The following LGSN variants were observed in gnomAD, a reference collection of about 807,000 sequenced individuals.
LGSN encodes lengsin, lens protein with glutamine synthetase domain, also known as lengsin.
A neutral mutation model predicts 19.5 loss-of-function variants in LGSN; 21 were observed. The ratio of observed to expected loss-of-function variants is 1.07; its 90% CI spans 0.76 to 1.55. LGSN has a LOEUF of 1.55. Among genes scored for constraint, LGSN ranks in the 40% most tolerant of loss-of-function variants. The probability of loss-of-function intolerance (pLI) is 0.00; values close to 1 mark genes in which losing one functional copy is unlikely to be tolerated. For synonymous variants in LGSN, 257 were observed against 215.6 expected (o/e 1.19, Z -1.68); for missense variants, 673 against 608.5 (o/e 1.11, Z -1.12).
the LGSN span, among the ~76,000 whole-genome samples, chr6:63,480,954 T>G: frequency 2.7e-3 from 324 of 120,982 alleles, 5 homozygotes; most frequent in Middle Eastern, 0.019. Context: ...TATATATATA[T>G]ATATATATAT....
the LGSN span, among the ~76,000 whole-genome samples, chr6:63,509,307 C>T: frequency 2.0e-4 from 30 of 152,034 alleles, no homozygotes; most frequent in African/African-American, 3.9e-4. Flanking sequence ...TCAGGTGATC[C>T]GCCTGCCTTG....
chr6:63,371,383 C>T, the LGSN span, among the ~76,000 whole-genome samples: 1 of 152,346 alleles, frequency 6.6e-6, no homozygotes, highest in African/African-American at 2.4e-5. Context: ...CTGTAAACCA[C>T]TGAAAACGGC....
the LGSN span, among the ~76,000 whole-genome samples, chr6:63,566,347 T>C: frequency 6.6e-6 from 1 of 151,636 alleles, no homozygotes; most frequent in Non-Finnish European, 1.5e-5. Flanking sequence ...AGCCAGGGGG[T>C]GAGGGGATGG....
chr6:63,560,175 T>C, the LGSN span, among the ~76,000 whole-genome samples: 2 of 151,560 alleles, frequency 1.3e-5, no homozygotes, highest in African/African-American at 4.8e-5. Context: ...CCGTCTCTAC[T>C]AAAAATACAA....
the LGSN span, among the ~76,000 whole-genome samples, chr6:63,412,402 A>AAGGAAG: frequency 7.5e-6 from 1 of 133,230 alleles, no homozygotes; most frequent in African/African-American, 3.5e-5. Flanking sequence ...AAAGAAGGAA[A>AAGGAAG]GAAAGAAAGA....
chr6:63,516,445 C>G, the LGSN span, among the ~76,000 whole-genome samples: 1 of 152,304 alleles, frequency 6.6e-6, no homozygotes, highest in East Asian at 1.9e-4. Context: ...ACGGTAGAAG[C>G]ACTTCAAAGT....
the LGSN span, among the ~76,000 whole-genome samples, chr6:63,456,747 G>T: frequency 6.6e-6 from 1 of 152,102 alleles, no homozygotes; most frequent in African/African-American, 2.4e-5. Context: ...ACTGGCCAAA[G>T]AACAAGAGGC....
chr6:63,519,474 G>T, the LGSN span, among the ~76,000 whole-genome samples: 1 of 152,242 alleles, frequency 6.6e-6, no homozygotes, highest in South Asian at 2.1e-4. Flanking sequence ...ACTATGTCCT[G>T]TCTTACCAGG....
the LGSN span, among the ~76,000 whole-genome samples, chr6:63,470,476 C>CA: frequency 0.51 from 70,853 of 138,976 alleles, 18,062 homozygotes; most frequent in Non-Finnish European, 0.58. Context: ...TGTCTCAATT[C>CA]AAAAAAAAAA....
chr6:63,505,332 T>C, the LGSN span, among the ~76,000 whole-genome samples: 2 of 151,684 alleles, frequency 1.3e-5, no homozygotes, highest in Admixed American at 6.6e-5. Flanking sequence ...ATCCCAGCAC[T>C]TTGGGAGGCT....
the LGSN span, among the ~76,000 whole-genome samples, chr6:63,433,730 A>G: frequency 1.3e-5 from 2 of 152,268 alleles, no homozygotes; most frequent in African/African-American, 2.4e-5. Context: ...TCTGCTTAGA[A>G]TAAGTGCATA....
the LGSN span, among the ~76,000 whole-genome samples, chr6:63,462,871 T>C: frequency 1.3e-5 from 2 of 152,230 alleles, no homozygotes; most frequent in Non-Finnish European, 2.9e-5. Flanking sequence ...ACATTTCTTG[T>C]TTTAATAAAT....
the LGSN span, among the ~76,000 whole-genome samples, chr6:63,443,071 G>A: frequency 6.6e-6 from 1 of 152,228 alleles, no homozygotes; most frequent in Non-Finnish European, 1.5e-5. Flanking sequence ...GCAGGCTGCA[G>A]GTCCTGAGCC....
At chr6:63,491,621 T>C in the LGSN span, among the ~76,000 whole-genome samples, 1 of 152,186 alleles carries the variant, frequency 6.6e-6, no homozygotes, top group Non-Finnish European at 1.5e-5. Context: ...AAATAATCAA[T>C]AACTTCCTGG....
chr6:63,334,156 C>A, the LGSN span, among the ~76,000 whole-genome samples: 3 of 152,078 alleles, frequency 2.0e-5, no homozygotes, highest in Non-Finnish European at 1.5e-5. Context: ...AAAAGGCATC[C>A]AAATTGGAAA....
At chr6:63,443,234 C>T in the LGSN span, among the ~76,000 whole-genome samples, 4 of 152,236 alleles carry the variant, frequency 2.6e-5, no homozygotes, top group South Asian at 8.3e-4. Context: ...GCAGGCTGCT[C>T]TGAGTGCGGG....
chr6:63,460,100 CTTTTTTTTTTTTT>C, the LGSN span, among the ~76,000 whole-genome samples: 35 of 56,126 alleles, frequency 6.2e-4, no homozygotes, highest in African/African-American at 2.0e-3. Flanking sequence ...ATTTCATTCC[CTTTTTTTTTTTTT>C]TTTTTTTTTT....
chr6:63,568,511 A>G, the LGSN span, among the ~76,000 whole-genome samples: 1 of 152,234 alleles, frequency 6.6e-6, no homozygotes, highest in Non-Finnish European at 1.5e-5. Flanking sequence ...ACAAATTGCC[A>G]TAACAAATGC....
At chr6:63,509,472 T>G in the LGSN span, among the ~76,000 whole-genome samples, 1 of 152,232 alleles carries the variant, frequency 6.6e-6, no homozygotes, top group Admixed American at 6.5e-5. Flanking sequence ...ATAATCTCAA[T>G]TAGGTGTGCG....
Sources: gnomAD v4.1 joint callset for allele counts (sites outside exome capture counted in the v4.1 genomes callset) on GRCh38, gnomAD v4.1.1 for gene constraint, MANE v1.5 for transcripts, NCBI Gene and HGNC (gene_info 2026-07-23, HGNC 2026-07-21) for gene names.